Variants in GRIN3A observed in about 807,000 individuals in gnomAD.
The protein encoded by GRIN3A is glutamate receptor ionotropic, NMDA 3A.
In GRIN3A, 47 loss-of-function variants were observed where a neutral mutation model predicts 92.4. The ratio of observed to expected loss-of-function variants is 0.51; its 90% CI spans 0.40 to 0.65. The LOEUF is 0.65. GRIN3A is among the 30% of genes least tolerant of loss of function. The pLI is 0.00. For synonymous variants in GRIN3A, 527 were observed against 540.6 expected (o/e 0.97, Z 0.35); for missense variants, 1,324 against 1,393.1 (o/e 0.95, Z 0.79).
chr9:101,573,205 T>A lies in GRIN3A; in HGVS notation c.3317A>T (p.Tyr1106Phe), dbSNP rs1827782807. The change falls in exon 9 of 9, where the codon TAT becomes TTT. Residue 1106 changes from tyrosine to phenylalanine, a missense_variant. By Grantham distance (22) the Tyr-to-Phe change is conservative. Coordinates refer to ENST00000361820, the MANE Select transcript of GRIN3A (RefSeq NM_133445.3). ...AVSRKTELEE[Y>F]QRTSRTCES ...CTCACAAGTCCGACTTGTCCTTTGA[T>A]ACTCCTCCAGCTCCGTTTTCCTGCT... is the stretch of plus-strand genomic sequence containing the variant. 6.2e-7 allele frequency: 1 copy of A among 1,614,126 alleles called. No homozygotes were observed. Among genetic ancestry groups the A allele is most frequent in the Non-Finnish European group, 8.5e-7 (1 of 1,179,962 alleles).
chr9:101,666,698 C>T (rs985102287), intron 3 of GRIN3A, among the ~76,000 whole-genome samples: 5 of 152,002 alleles, frequency 3.3e-5, no homozygotes, highest in African/African-American at 4.8e-5. Flanking sequence ...TTTTCTAGCC[C>T]GTGAACTGCT....
intron 2 of GRIN3A, among the ~76,000 whole-genome samples, chr9:101,673,437 T>A (rs548049705): frequency 4.2e-4 from 64 of 152,258 alleles, no homozygotes; most frequent in Non-Finnish European, 8.1e-4. Flanking sequence ...ATCCAATGCT[T>A]GTTTCACTAC....
intron 1 of GRIN3A, among the ~76,000 whole-genome samples, chr9:101,730,763 T>C (rs900055911): frequency 1.3e-5 from 2 of 152,146 alleles, no homozygotes; most frequent in Non-Finnish European, 2.9e-5. Flanking sequence ...CTACAATTTA[T>C]TCTTTCTAAA....
At chr9:101,706,516 A>T (rs1243459068) in intron 1 of GRIN3A, among the ~76,000 whole-genome samples, 1 of 152,198 alleles carries the variant, frequency 6.6e-6, no homozygotes, top group Non-Finnish European at 1.5e-5. Flanking sequence ...AAGGGATTGG[A>T]GGTATTTAAG....
At chr9:101,632,294 A>G (rs911438664) in intron 3 of GRIN3A, among the ~76,000 whole-genome samples, 1 of 152,216 alleles carries the variant, frequency 6.6e-6, no homozygotes, top group Admixed American at 6.5e-5. Context: ...TAGCACTGAC[A>G]ACACTTGGGA....
In GRIN3A at chr9:101,617,958, C is replaced by T. The variant is rs181505880; in HGVS notation, c.2615-4431G>A. Among the ~76,000 whole-genome samples, 1,354 of 151,956 alleles carry T rather than the reference C, an allele frequency of 8.9e-3. 24 individuals carry two copies. The highest frequency in any genetic ancestry group is 0.031 in the African/African-American group (1,299 of 41,312). ...TGATGATTTCCAATTTCATCCATGT[C>T]CCTACAAAGGACATGAACTCATCAT... On this transcript the variant is annotated intron_variant, in intron 5 of 8. Transcript: ENST00000361820.
chr9:101,683,453 AGACTGT>A (rs1484128709), intron 2 of GRIN3A, among the ~76,000 whole-genome samples: 2 of 152,362 alleles, frequency 1.3e-5, no homozygotes, highest in East Asian at 3.9e-4. Flanking sequence ...ACTTTCTGAA[AGACTGT>A]ATTAAACAAA....
At chr9:101,642,792 C>G (rs1047500562) in intron 3 of GRIN3A, among the ~76,000 whole-genome samples, 1 of 151,932 alleles carries the variant, frequency 6.6e-6, no homozygotes, top group Admixed American at 6.6e-5. Context: ...ACCCCACGTG[C>G]GAGGGATCTA....
chr9:101,626,997 G>T (rs1321727105), intron 4 of GRIN3A, among the ~76,000 whole-genome samples: 6 of 152,220 alleles, frequency 3.9e-5, no homozygotes, highest in Non-Finnish European at 8.8e-5. Context: ...GAGTGGAACT[G>T]CTGGGGACTG....
intron 5 of GRIN3A, among the ~76,000 whole-genome samples, chr9:101,622,274 T>C (rs1044553155): frequency 6.6e-6 from 1 of 152,252 alleles, no homozygotes; most frequent in Non-Finnish European, 1.5e-5. Context: ...ATATCCTAGT[T>C]AACATACAGG....
At chr9:101,669,674 TTTA>T (rs1829290498) in intron 3 of GRIN3A, among the ~76,000 whole-genome samples, 1 of 152,152 alleles carries the variant, frequency 6.6e-6, no homozygotes, top group African/African-American at 2.4e-5. Flanking sequence ...CCAATTTATT[TTTA>T]TTAATTCCCA....
rs757306111 is a variant in GRIN3A at position 101,570,110 on chromosome 9, A to AT, written c.*3063dup. 24 of 152,056 alleles carry AT rather than the reference A, an allele frequency of 1.6e-4. No homozygotes were observed. Among genetic ancestry groups the AT allele is most frequent in the Non-Finnish European group, 2.8e-4 (19 of 68,048 alleles). 9.4% of individuals were successfully genotyped at this position (152,056 alleles called of 1,614,324 possible). Reference sequence around the variant, plus strand: ...GGTTATTCTTCCAATTTGTTTTTAAATTTTGGGAGATTCCCCTTTCTCCTC... The same window carrying AT: ...GGTTATTCTTCCAATTTGTTTTTAAATTTTTGGGAGATTCCCCTTTCTCCTC... On this transcript the variant is annotated 3_prime_UTR_variant, in exon 9 of 9. Transcript: ENST00000361820.
At chr9:101,685,890 T>C (rs1419490461) in intron 2 of GRIN3A, among the ~76,000 whole-genome samples, 5 of 152,106 alleles carry the variant, frequency 3.3e-5, no homozygotes. Context: ...TACTCTTATA[T>C]CCATTTTACA....
At chr9:101,579,431 G>A (rs1157847435) in intron 6 of GRIN3A, 71 bp from the exon 7 acceptor site, 2 of 1,487,448 alleles carry the variant, frequency 1.3e-6, no homozygotes, top group Non-Finnish European at 1.9e-6. Context: ...TGTACTCTTT[G>A]GTTTTCAGAT....
intron 2 of GRIN3A, among the ~76,000 whole-genome samples, chr9:101,676,556 AT>A (rs140145481): frequency 2.0e-5 from 3 of 149,612 alleles, no homozygotes; most frequent in South Asian, 2.1e-4. Context: ...AGCTCTATCA[AT>A]TTTTTTTTTC....
At chr9:101,690,510 G>T (rs536205235) in intron 1 of GRIN3A, among the ~76,000 whole-genome samples, 1 of 152,294 alleles carries the variant, frequency 6.6e-6, no homozygotes, top group Admixed American at 6.5e-5. Flanking sequence ...CCAAGTAAGT[G>T]CAGAGCTGCA....
chr9:101,736,554 T>C (rs1830207964), intron 1 of GRIN3A, among the ~76,000 whole-genome samples: 1 of 152,154 alleles, frequency 6.6e-6, no homozygotes, highest in South Asian at 2.1e-4. Flanking sequence ...AGCAACTGAA[T>C]ACCAGCCTCT....
At chr9:101,611,177 A>G (rs1828363269) in intron 6 of GRIN3A, among the ~76,000 whole-genome samples, 1 of 151,944 alleles carries the variant, frequency 6.6e-6, no homozygotes, top group Admixed American at 6.6e-5. Flanking sequence ...CAAAAGTCTG[A>G]AATCAAGGTG....
intron 1 of GRIN3A, among the ~76,000 whole-genome samples, chr9:101,722,440 G>A (rs1160741349): frequency 1.3e-5 from 2 of 152,196 alleles, no homozygotes; most frequent in African/African-American, 4.8e-5. Flanking sequence ...TAGTGGAGCT[G>A]TGAGAAGAGG....
Sources: allele counts gnomAD v4.1 joint callset (sites outside exome capture counted in the v4.1 genomes callset), GRCh38; gene constraint gnomAD v4.1.1; transcripts MANE v1.5; gene names NCBI Gene and HGNC (gene_info 2026-07-23, HGNC 2026-07-21).